The following PTPRD variants were observed in gnomAD, a reference collection of about 807,000 sequenced individuals.
PTPRD encodes the protein receptor-type tyrosine-protein phosphatase delta.
In PTPRD, 34 loss-of-function variants were observed where a neutral mutation model predicts 214.5. That is an observed-to-expected ratio of 0.16 (90% CI 0.12 to 0.21). PTPRD has a LOEUF of 0.21. PTPRD is among the 10% of genes least tolerant of loss of function. The probability of loss-of-function intolerance (pLI) is 1.00; values close to 1 mark genes in which losing one functional copy is unlikely to be tolerated. For synonymous variants in PTPRD, 1,128 were observed against 845.7 expected (o/e 1.33, Z -5.79); for missense variants, 2,545 against 2,398.7 (o/e 1.06, Z -1.27).
intron 9 of PTPRD, among the ~76,000 whole-genome samples, chr9:9,263,621 T>C (rs1013456805): frequency 6.6e-6 from 1 of 151,708 alleles, no homozygotes; most frequent in Non-Finnish European, 1.5e-5. Context: ...AATATGCCCT[T>C]CCTTTCAAAT....
intron 2 of PTPRD, among the ~76,000 whole-genome samples, chr9:10,517,164 G>A (rs908498098): frequency 6.6e-6 from 1 of 151,900 alleles, no homozygotes; most frequent in Non-Finnish European, 1.5e-5. Flanking sequence ...AGGTAGTATA[G>A]ACATGTAAAC....
chr9:10,461,445 C>T (rs888993555), intron 2 of PTPRD, among the ~76,000 whole-genome samples: 4 of 151,522 alleles, frequency 2.6e-5, no homozygotes, highest in Admixed American at 1.3e-4. Flanking sequence ...AATCTAGGTG[C>T]CTATCAATGA....
chr9:8,919,684 T>C (rs1372690831), intron 11 of PTPRD, among the ~76,000 whole-genome samples: 1 of 152,190 alleles, frequency 6.6e-6, no homozygotes, highest in Non-Finnish European at 1.5e-5. Context: ...TGTGTATATA[T>C]TTATACATGC....
At chr9:8,964,198 T>TTTTG (rs1555613735) in intron 11 of PTPRD, among the ~76,000 whole-genome samples, 1 of 140,168 alleles carries the variant, frequency 7.1e-6, no homozygotes, top group African/African-American at 2.7e-5. Flanking sequence ...CTGTGTTTTT[T>TTTTG]TTTTTTTTTT....
intron 37 of PTPRD, among the ~76,000 whole-genome samples, chr9:8,386,674 C>T (rs980533259): frequency 6.6e-6 from 1 of 152,150 alleles, no homozygotes; most frequent in Non-Finnish European, 1.5e-5. Context: ...CAGAACCCAC[C>T]ACGTTCCTGA....
At chr9:10,550,222 C>A (rs895690254) in intron 2 of PTPRD, among the ~76,000 whole-genome samples, 2 of 152,168 alleles carry the variant, frequency 1.3e-5, no homozygotes, top group Non-Finnish European at 2.9e-5. Flanking sequence ...TCCACAAGTC[C>A]CCTTTGCTAA....
At chr9:9,968,563 C>T (rs2094869490) in intron 4 of PTPRD, among the ~76,000 whole-genome samples, 1 of 152,192 alleles carries the variant, frequency 6.6e-6, no homozygotes. Context: ...GGGAGAGAAG[C>T]AGAGAGCACC....
At chr9:9,889,868 C>A (rs1472253631) in intron 5 of PTPRD, among the ~76,000 whole-genome samples, 1 of 151,858 alleles carries the variant, frequency 6.6e-6, no homozygotes, top group East Asian at 2.0e-4. Context: ...CTGAAGGGTG[C>A]ACGGGTTCTC....
intron 22 of PTPRD, 97 bp downstream of exon 22, chr9:8,507,204 A>C (rs2097560284): frequency 1.4e-6 from 2 of 1,408,586 alleles, no homozygotes; most frequent in South Asian, 1.5e-5. Context: ...AAGGTCCTCA[A>C]TAGCTCTCTG....
chr9:9,953,815 A>T (rs903186374), intron 4 of PTPRD, among the ~76,000 whole-genome samples: 4 of 152,274 alleles, frequency 2.6e-5, no homozygotes, highest in African/African-American at 9.6e-5. Flanking sequence ...TCTTCCCGCC[A>T]TAGGGTTTTA....
At chr9:8,594,922 G>A (rs545053710) in intron 14 of PTPRD, among the ~76,000 whole-genome samples, 23 of 148,784 alleles carry the variant, frequency 1.5e-4, no homozygotes, top group African/African-American at 5.7e-4. Flanking sequence ...GAGTGCAGTG[G>A]CGCAAACTTG....
At chr9:8,636,314 A>C (rs1319620405) in intron 13 of PTPRD, among the ~76,000 whole-genome samples, 2 of 152,176 alleles carry the variant, frequency 1.3e-5, no homozygotes, top group Non-Finnish European at 2.9e-5. Flanking sequence ...ACCTATCCAC[A>C]CAAATTGTCT....
chr9:9,108,537 G>C (rs959490794), intron 10 of PTPRD, among the ~76,000 whole-genome samples: 2 of 152,128 alleles, frequency 1.3e-5, no homozygotes, highest in African/African-American at 2.4e-5. Flanking sequence ...TCTATGTAGT[G>C]ACTCACGGAT....
At position 9,450,912 on chromosome 9, in the gene PTPRD, T is replaced by C. The variant is rs2091961850; in HGVS notation, c.-236-53430A>G. Among the ~76,000 whole-genome samples the C allele has an allele frequency of 2.7e-5, 4 of 148,806 alleles. No individual in the cohort carries two copies. The Admixed American group carries it at 2.7e-4, about 10-fold the overall frequency. On this transcript the variant is annotated intron_variant, in intron 8 of 45. Coordinates refer to ENST00000381196, the MANE Select transcript of PTPRD (RefSeq NM_002839.4). ...AAAAAATGATGGGCAAAAATACTGGTGAATATTTGAGTACATCTAAGTAAA... is the reference window on the plus strand; with the variant it reads ...AAAAAATGATGGGCAAAAATACTGGCGAATATTTGAGTACATCTAAGTAAA...
At chr9:10,083,655 G>C (rs1246006596) in intron 3 of PTPRD, among the ~76,000 whole-genome samples, 4 of 151,982 alleles carry the variant, frequency 2.6e-5, no homozygotes, top group Non-Finnish European at 5.9e-5. Context: ...CAGTCATCTA[G>C]AGCAGTGGTT....
chr9:9,890,100 C>A (rs2072708990), intron 5 of PTPRD, among the ~76,000 whole-genome samples: 1 of 151,908 alleles, frequency 6.6e-6, no homozygotes, highest in African/African-American at 2.4e-5. Context: ...TCTATGTTAG[C>A]CTTAAAAGTA....
chr9:9,960,912 C>G (rs890251749), intron 4 of PTPRD, among the ~76,000 whole-genome samples: 7 of 152,098 alleles, frequency 4.6e-5, no homozygotes, highest in African/African-American at 1.4e-4. Flanking sequence ...ATCTACTCAT[C>G]TGACAAAGGG....
intron 31 of PTPRD, among the ~76,000 whole-genome samples, chr9:8,467,348 T>C (rs930950791): frequency 4.0e-5 from 6 of 151,850 alleles, no homozygotes; most frequent in African/African-American, 1.4e-4. Context: ...TTGTCAAATT[T>C]AGCTTTACTT....
intron 7 of PTPRD, among the ~76,000 whole-genome samples, chr9:9,717,889 A>C (rs187758177): frequency 9.9e-5 from 15 of 151,294 alleles, no homozygotes; most frequent in African/African-American, 3.7e-4. Context: ...TATTATAGGA[A>C]TCAAAAAATT....
Sources: gnomAD v4.1 joint callset for allele counts (sites outside exome capture counted in the v4.1 genomes callset) on GRCh38, gnomAD v4.1.1 for gene constraint, MANE v1.5 for transcripts, NCBI Gene and HGNC (gene_info 2026-07-23, HGNC 2026-07-21) for gene names.